The following SNX29 variants were observed in gnomAD, a reference collection of about 807,000 sequenced individuals.
SNX29 encodes sorting nexin-29.
In SNX29, 78 loss-of-function variants were observed where a neutral mutation model predicts 102.1. That is an observed-to-expected ratio of 0.76 (90% CI 0.64 to 0.92). The LOEUF is 0.92. Ranked by LOEUF, SNX29 falls within the 40% of genes least tolerant of loss-of-function variation. The pLI is 0.00. For synonymous variants in SNX29, 580 were observed against 414.5 expected, an observed-to-expected ratio of 1.40 and a Z score of -4.85; for missense variants, 1,280 against 1,061.7, an observed-to-expected ratio of 1.21 and a Z score of -2.86.
At chr16:12,307,217 G>A (rs2080365031) in intron 15 of SNX29, among the ~76,000 whole-genome samples, 1 of 152,176 alleles carries the variant, frequency 6.6e-6, no homozygotes, top group Non-Finnish European at 1.5e-5. Context: ...ACCACTCTTG[G>A]TCTACATTTT....
chr16:12,030,454 GC>G (rs2057306691), intron 4 of SNX29, among the ~76,000 whole-genome samples: 1 of 152,130 alleles, frequency 6.6e-6, no homozygotes, highest in Non-Finnish European at 1.5e-5. Context: ...CAGCTCTTGG[GC>G]TTCCTCCCAG....
chr16:12,553,731 G>A (rs112193586), intron 20 of SNX29, among the ~76,000 whole-genome samples: 42 of 151,866 alleles, frequency 2.8e-4, no homozygotes, highest in East Asian at 9.7e-4. Flanking sequence ...GGGATTATAT[G>A]CACATGCCAC....
chr16:12,468,133 CAG>C (rs1367606628), intron 18 of SNX29, among the ~76,000 whole-genome samples: 5 of 149,506 alleles, frequency 3.3e-5, no homozygotes, highest in Middle Eastern at 3.2e-3. Context: ...CTTTGCCCTA[CAG>C]CTGTTCCCCT....
At chr16:12,123,716 A>G (rs1397956130) in intron 11 of SNX29, among the ~76,000 whole-genome samples, 1 of 151,858 alleles carries the variant, frequency 6.6e-6, no homozygotes, top group Non-Finnish European at 1.5e-5. Context: ...TTCAGCCCTG[A>G]ATGAAGAAGG....
intron 20 of SNX29, among the ~76,000 whole-genome samples, chr16:12,534,317 C>T (rs538460440): frequency 1.3e-5 from 2 of 152,352 alleles, no homozygotes; most frequent in East Asian, 1.9e-4. Context: ...TAATGAGGGC[C>T]TCTGTGCCCA....
chr16:12,564,611 G>T (rs145009606), intron 20 of SNX29, among the ~76,000 whole-genome samples: 2 of 152,038 alleles, frequency 1.3e-5, no homozygotes, highest in East Asian at 3.9e-4. Flanking sequence ...AACTGTAACA[G>T]ACCTAGTCCC....
At chr16:12,555,640 A>G (rs1366678607) in intron 20 of SNX29, among the ~76,000 whole-genome samples, 3 of 151,812 alleles carry the variant, frequency 2.0e-5, no homozygotes. Context: ...GAGTAACCCC[A>G]CTGATGCCAG....
chr16:12,254,912 G>T (rs1422589291), intron 14 of SNX29, among the ~76,000 whole-genome samples: 2 of 152,164 alleles, frequency 1.3e-5, no homozygotes, highest in East Asian at 3.8e-4. Flanking sequence ...TGGAGAGGGC[G>T]AGTGGAGACA....
In SNX29 at chr16:12,032,461, C is replaced by G. The variant is rs147398931; in HGVS notation, c.247+5017C>G. Among the ~76,000 whole-genome samples the G allele has an allele frequency of 6.9e-3, 1,048 of 152,168 alleles. 8 individuals carry two copies. The highest frequency in any genetic ancestry group is 0.014 in the Middle Eastern group (4 of 294). On this transcript the variant is annotated intron_variant, in intron 4 of 20. Transcript: ENST00000566228. ...GACCTTGTGATCCACCCACCTCGGCCTCCCAAAGTGCTGTGATTACAGGCA... is the reference window on the plus strand; with the variant it reads ...GACCTTGTGATCCACCCACCTCGGCGTCCCAAAGTGCTGTGATTACAGGCA...
Position 12,558,450 on chromosome 16 carries a change from G to C in SNX29, c.2319-10056G>C, listed in dbSNP as rs543361775. Reference sequence around the variant, plus strand: ...ATCTAGAAAGCATTGGTAGACTTCTGTATGAACTTAATGCCATCCTTTAAA... The same window carrying C: ...ATCTAGAAAGCATTGGTAGACTTCTCTATGAACTTAATGCCATCCTTTAAA... On this transcript the variant is annotated intron_variant, in intron 20 of 20. Transcript: ENST00000566228. Among the ~76,000 whole-genome samples, 27 of 152,324 alleles carry C rather than the reference G, an allele frequency of 1.8e-4. 2 individuals carry two copies. In the South Asian group the frequency reaches 5.4e-3, roughly 30 times the overall value.
intron 16 of SNX29, among the ~76,000 whole-genome samples, chr16:12,363,055 G>C (rs560589505): frequency 6.6e-6 from 1 of 152,328 alleles, no homozygotes; most frequent in South Asian, 2.1e-4. Flanking sequence ...TTTACACAGA[G>C]GCAGCTCTCA....
chr16:12,170,074 T>C (rs1185573456), intron 13 of SNX29, among the ~76,000 whole-genome samples: 1 of 152,166 alleles, frequency 6.6e-6, no homozygotes, highest in African/African-American at 2.4e-5. Flanking sequence ...GGGGCTGTCC[T>C]GTGCACCTCT....
In SNX29 at chr16:11,986,701, G is replaced by T. The variant is rs138129253; in HGVS notation, c.7+9888G>T. Among the ~76,000 whole-genome samples, 7 of 152,252 alleles carry T rather than the reference G, an allele frequency of 4.6e-5. No individual in the cohort carries two copies. The East Asian group carries it at 1.4e-3, about 29-fold the overall frequency. ...GCAAAAGACAGTCAATTCCATTTAT[G>T]GTGTTCTAGGATAGGATTGGTAGGC... On this transcript the variant is annotated intron_variant, in intron 1 of 20. Transcript: ENST00000566228.
chr16:12,382,134 C>A (rs1005813783), intron 16 of SNX29, among the ~76,000 whole-genome samples: 1 of 152,118 alleles, frequency 6.6e-6, no homozygotes, highest in Non-Finnish European at 1.5e-5. Context: ...TATTTGACCC[C>A]TACCTCTCAT....
At chr16:11,983,234 AATTTTTT>A (rs1240560919) in intron 1 of SNX29, among the ~76,000 whole-genome samples, 29 of 116,434 alleles carry the variant, frequency 2.5e-4, no homozygotes, top group Non-Finnish European at 4.4e-4. Context: ...CCTGGGTTAC[AATTTTTT>A]TTTTTTTTTT....
intron 14 of SNX29, among the ~76,000 whole-genome samples, chr16:12,231,024 T>TG (rs2077754276): frequency 6.6e-6 from 1 of 150,532 alleles, no homozygotes; most frequent in African/African-American, 2.5e-5. Flanking sequence ...CTAATTTTAA[T>TG]ATTTTTTTAT....
In SNX29 at chr16:12,572,352, AC is replaced by A. The variant is rs770815945; in HGVS notation, c.*3724del. 490 of 1,062,908 alleles carry A rather than the reference AC, an allele frequency of 4.6e-4. 1 individual carries two copies. Among genetic ancestry groups the A allele is most frequent in the Non-Finnish European group, 5.5e-4 (486 of 877,804 alleles). 65.8% of individuals were successfully genotyped at this position (1,062,908 alleles called of 1,614,324 possible). On this transcript the variant is annotated 3_prime_UTR_variant, in exon 21 of 21. Coordinates refer to ENST00000566228, the MANE Select transcript of SNX29 (RefSeq NM_032167.5). ...GCCCACCAGCCTGCCTGGTTGATGG[AC>A]AGCAGGCTCTGCCTTCTGGAGGCGG...
At chr16:12,384,672 T>G (rs950321912) in intron 16 of SNX29, among the ~76,000 whole-genome samples, 4 of 152,238 alleles carry the variant, frequency 2.6e-5, no homozygotes, top group African/African-American at 9.6e-5. Flanking sequence ...GTGGGTTGTT[T>G]CTTCACTTTG....
intron 14 of SNX29, among the ~76,000 whole-genome samples, chr16:12,235,488 A>T (rs894621214): frequency 1.3e-5 from 2 of 151,876 alleles, no homozygotes; most frequent in African/African-American, 4.8e-5. Context: ...TTTGTGCACT[A>T]CTGCTTGAGT....
Sources: allele counts gnomAD v4.1 joint callset (sites outside exome capture counted in the v4.1 genomes callset), GRCh38; gene constraint gnomAD v4.1.1; transcripts MANE v1.5; gene names NCBI Gene and HGNC (gene_info 2026-07-23, HGNC 2026-07-21).